Variants in GPC5 observed in about 807,000 individuals in gnomAD.
The protein encoded by GPC5 is glypican 5.
A neutral mutation model predicts 53.9 loss-of-function variants in GPC5; 47 were observed. That is an observed-to-expected ratio of 0.87 (90% CI 0.69 to 1.11). The LOEUF is 1.11. GPC5 is among the 50% of genes most tolerant of loss of function. GPC5 has a pLI of 0.00. For missense variants in GPC5, 748 were observed against 713.1 expected (o/e 1.05, Z -0.56); for synonymous variants, 286 against 263.3 (o/e 1.09, Z -0.84).
intron 7 of GPC5, among the ~76,000 whole-genome samples, chr13:92,156,912 G>T (rs2041949073): frequency 6.6e-6 from 1 of 151,782 alleles, no homozygotes; most frequent in African/African-American, 2.4e-5. Context: ...AAATGTATAT[G>T]CCTCCAATTT....
Position 91,621,869 on chromosome 13 carries a change from A to C in GPC5, c.326-71318A>C, listed in dbSNP as rs572645332. 1.3e-4 allele frequency among the ~76,000 whole-genome samples: 20 copies of C among 150,872 alleles called. 1 individual carries two copies. Among genetic ancestry groups the C allele is most frequent in the Middle Eastern group, 3.4e-3 (1 of 290 alleles). On this transcript the variant is annotated intron_variant, in intron 2 of 7. Transcript: ENST00000377067. ...TATGCCAACTGCAAGCTGAAGAGCA[A>C]GGAAGCCAGTCCAAGTCCCAAAACC...
chr13:92,230,423 A>C (rs2139099944), intron 7 of GPC5, among the ~76,000 whole-genome samples: 1 of 152,304 alleles, frequency 6.6e-6, no homozygotes, highest in East Asian at 1.9e-4. Context: ...CGTACTATTA[A>C]CAAATACAAA....
intron 7 of GPC5, among the ~76,000 whole-genome samples, chr13:92,428,201 A>G (rs1311102161): frequency 1.3e-5 from 2 of 152,086 alleles, no homozygotes; most frequent in Admixed American, 6.6e-5. Context: ...CTCTATCAGA[A>G]TGGATGTGGC....
chr13:91,578,982 G>T (rs1594283712), intron 2 of GPC5, among the ~76,000 whole-genome samples: 1 of 151,924 alleles, frequency 6.6e-6, no homozygotes, highest in East Asian at 1.9e-4. Flanking sequence ...GGAGGCAAAA[G>T]TTGCAGTGAG....
At chr13:92,100,978 C>A (rs539221687) in intron 6 of GPC5, among the ~76,000 whole-genome samples, 37 of 152,186 alleles carry the variant, frequency 2.4e-4, no homozygotes, top group African/African-American at 8.9e-4. Flanking sequence ...AAAATAATAT[C>A]TCTTGAAATA....
intron 6 of GPC5, among the ~76,000 whole-genome samples, chr13:91,916,062 T>G (rs2039655474): frequency 6.6e-6 from 1 of 152,200 alleles, no homozygotes; most frequent in East Asian, 1.9e-4. Context: ...ATTCCAGCTT[T>G]TATAGGCACT....
intron 2 of GPC5, among the ~76,000 whole-genome samples, chr13:91,554,339 A>T (rs563657536): frequency 9.2e-5 from 14 of 151,866 alleles, no homozygotes; most frequent in Non-Finnish European, 1.8e-4. Context: ...GGACACATAC[A>T]TGTATACACA....
chr13:92,728,762 C>G (rs1888717693), intron 7 of GPC5, among the ~76,000 whole-genome samples: 1 of 151,220 alleles, frequency 6.6e-6, no homozygotes. Context: ...AAATTTCGAA[C>G]CATTTTAATT....
chr13:91,672,718 A>C (rs189919241), intron 2 of GPC5, among the ~76,000 whole-genome samples: 3 of 152,348 alleles, frequency 2.0e-5, no homozygotes, highest in Admixed American at 6.5e-5. Context: ...TTGCCCTAGC[A>C]ATCCCATTAC....
intron 6 of GPC5, chr13:91,995,770 A>G (rs2040498236): frequency 1.3e-5 from 2 of 152,346 alleles, no homozygotes; most frequent in Admixed American, 1.3e-4. Context: ...ATCAGTCAGT[A>G]AGATCATATA....
chr13:92,296,205 C>T (rs1354576413), intron 7 of GPC5, among the ~76,000 whole-genome samples: 2 of 152,184 alleles, frequency 1.3e-5, no homozygotes, highest in East Asian at 3.9e-4. Context: ...GGATTCTTAG[C>T]TTTGGTGGTT....
intron 2 of GPC5, among the ~76,000 whole-genome samples, chr13:91,592,375 C>T (rs1309784969): frequency 1.3e-5 from 2 of 152,128 alleles, no homozygotes; most frequent in Non-Finnish European, 2.9e-5. Context: ...AGGTCTGCTC[C>T]CGAGCCTTGT....
intron 2 of GPC5, among the ~76,000 whole-genome samples, chr13:91,584,462 T>G (rs1421696773): frequency 2.6e-5 from 4 of 152,160 alleles, no homozygotes; most frequent in African/African-American, 9.7e-5. Context: ...TTGATGCAAA[T>G]GTAAAAGATA....
chr13:92,124,901 CTTGTGTT>C (rs1200542107), intron 6 of GPC5, among the ~76,000 whole-genome samples: 1 of 152,164 alleles, frequency 6.6e-6, no homozygotes, highest in African/African-American at 2.4e-5. Context: ...CTCCCGGTAT[CTTGTGTT>C]ATCTCCCCTT....
intron 7 of GPC5, among the ~76,000 whole-genome samples, chr13:92,481,425 G>C (rs1438944726): frequency 6.6e-6 from 1 of 152,012 alleles, no homozygotes; most frequent in Non-Finnish European, 1.5e-5. Flanking sequence ...AAGACACCAG[G>C]CTTGTAGTAA....
intron 2 of GPC5, among the ~76,000 whole-genome samples, chr13:91,563,130 C>A (rs569869601): frequency 6.6e-6 from 1 of 152,118 alleles, no homozygotes; most frequent in African/African-American, 2.4e-5. Flanking sequence ...TTAAATTTTA[C>A]TCTGTGCTAA....
At chr13:91,408,897 T>C (rs1877519693) in intron 1 of GPC5, among the ~76,000 whole-genome samples, 1 of 152,148 alleles carries the variant, frequency 6.6e-6, no homozygotes, top group African/African-American at 2.4e-5. Flanking sequence ...TTCAAGAGAA[T>C]CTAGTTCATG....
At chr13:92,315,000 C>T (rs970464025) in intron 7 of GPC5, among the ~76,000 whole-genome samples, 5 of 152,092 alleles carry the variant, frequency 3.3e-5, no homozygotes. Context: ...TGGTCTCGAA[C>T]TCTTAGGCTC....
chr13:92,114,243 T>A (rs575575473), intron 6 of GPC5, among the ~76,000 whole-genome samples: 8 of 152,312 alleles, frequency 5.3e-5, no homozygotes, highest in South Asian at 2.1e-4. Context: ...CAGGGCCTCA[T>A]TTCCCACCCC....
Sources: allele counts gnomAD v4.1 joint callset (sites outside exome capture counted in the v4.1 genomes callset), GRCh38; gene constraint gnomAD v4.1.1; transcripts MANE v1.5; gene names NCBI Gene and HGNC (gene_info 2026-07-23, HGNC 2026-07-21).